TSHZ2: variants seen among roughly 807,000 people sequenced by gnomAD.
TSHZ2 encodes the protein teashirt homolog 2.
A neutral mutation model predicts 74.4 loss-of-function variants in TSHZ2; 21 were observed. The observed-to-expected ratio is 0.28, with a 90% CI of 0.20 to 0.41. TSHZ2 has a LOEUF of 0.41. TSHZ2 is among the 10% of genes least tolerant of loss of function. TSHZ2 has a pLI of 1.00. For synonymous variants in TSHZ2, 540 were observed against 515.3 expected, an observed-to-expected ratio of 1.05 and a Z score of -0.65; for missense variants, 1,244 against 1,293.5, an observed-to-expected ratio of 0.96 and a Z score of 0.59.
chr20:53,474,789 C>A (rs1429730702), intron 2 of TSHZ2, among the ~76,000 whole-genome samples: 2 of 134,376 alleles, frequency 1.5e-5, no homozygotes, highest in African/African-American at 3.0e-5. Flanking sequence ...CACACATAGG[C>A]TCAAAATAAA....
At chr20:53,085,404 C>A (rs186006337) in intron 1 of TSHZ2, among the ~76,000 whole-genome samples, 17 of 152,104 alleles carry the variant, frequency 1.1e-4, no homozygotes, top group Middle Eastern at 3.4e-3. Flanking sequence ...GAAAGAAAGA[C>A]CGATATTTCA....
chr20:53,361,429 C>T (rs1981049675), intron 2 of TSHZ2, among the ~76,000 whole-genome samples: 1 of 152,220 alleles, frequency 6.6e-6, no homozygotes, highest in African/African-American at 2.4e-5. Context: ...CAACATTCCT[C>T]TCTGCTGTGG....
intron 1 of TSHZ2, among the ~76,000 whole-genome samples, chr20:53,116,324 C>A (rs1986665231): frequency 6.6e-6 from 1 of 152,160 alleles, no homozygotes; most frequent in Non-Finnish European, 1.5e-5. Context: ...ATAGGCAAAT[C>A]ATTATTCGGT....
chr20:53,250,531 C>T (rs560988517), intron 1 of TSHZ2, among the ~76,000 whole-genome samples: 1 of 152,234 alleles, frequency 6.6e-6, no homozygotes, highest in African/African-American at 2.4e-5. Context: ...TGTTAAAATA[C>T]ACTCACTTTG....
Position 53,474,788 on chromosome 20 carries a change from G to A in TSHZ2, c.*9-12356G>A, listed in dbSNP as rs1201370382. ...ATCTCAAGTGCAGAGACACACATAG[G>A]CTCAAAATAAAAGGATGGAGGAAGA... On this transcript the variant is annotated intron_variant, in intron 2 of 2. Transcript: ENST00000371497. 5.2e-5 allele frequency among the ~76,000 whole-genome samples: 7 copies of A among 134,848 alleles called. 2 individuals carry two copies. The East Asian group carries it at 1.2e-3, about 23-fold the overall frequency. The allele number at this position is 134,848 out of a possible 152,430, so 88.5% of individuals were successfully genotyped here.
intron 2 of TSHZ2, among the ~76,000 whole-genome samples, chr20:53,358,685 T>G (rs2030999898): frequency 6.6e-6 from 1 of 152,200 alleles, no homozygotes; most frequent in African/African-American, 2.4e-5. Flanking sequence ...TCCAATTATT[T>G]GATGGTAAAA....
chr20:52,975,352 A>C (rs1437078426), intron 1 of TSHZ2, among the ~76,000 whole-genome samples: 1 of 152,192 alleles, frequency 6.6e-6, no homozygotes, highest in Middle Eastern at 3.2e-3. Flanking sequence ...AGCTCATTAC[A>C]AAAAGTGCAT....
At chr20:53,018,728 C>T (rs1983129464) in intron 1 of TSHZ2, among the ~76,000 whole-genome samples, 1 of 152,114 alleles carries the variant, frequency 6.6e-6, no homozygotes, top group Non-Finnish European at 1.5e-5. Flanking sequence ...TTCTCCAGCC[C>T]CTTTTCCTGG....
chr20:53,154,333 C>T (rs908877376), intron 1 of TSHZ2, among the ~76,000 whole-genome samples: 12 of 152,102 alleles, frequency 7.9e-5, no homozygotes, highest in African/African-American at 2.7e-4. Context: ...TAACATTGCT[C>T]CTATGTATGA....
In TSHZ2 at chr20:52,973,071, A is replaced by C; in HGVS notation, c.-223A>C. On this transcript the variant is annotated 5_prime_UTR_variant, in exon 1 of 3. Transcript: ENST00000371497. The stretch of plus-strand genomic sequence containing the variant: ...AAGGCAGAACCAACCTCTACTTCAA[A>C]GCAGCCGGCACAAGCCACCCGTGTC... 1 of 514,016 alleles carries C rather than the reference A, an allele frequency of 1.9e-6. No individual in the cohort carries two copies. Among genetic ancestry groups the C allele is most frequent in the South Asian group, 3.4e-5 (1 of 29,174 alleles). The allele number at this position is 514,016 out of a possible 1,614,324, so 31.8% of individuals were successfully genotyped here.
At chr20:53,415,453 C>T (rs1281129975) in intron 2 of TSHZ2, among the ~76,000 whole-genome samples, 1 of 152,032 alleles carries the variant, frequency 6.6e-6, no homozygotes, top group Non-Finnish European at 1.5e-5. Flanking sequence ...TCCTCTGCTC[C>T]CCACCCCTTC....
At chr20:53,016,018 T>A (rs1179621205) in intron 1 of TSHZ2, among the ~76,000 whole-genome samples, 3 of 152,212 alleles carry the variant, frequency 2.0e-5, no homozygotes, top group Non-Finnish European at 4.4e-5. Flanking sequence ...AGGGCATCAT[T>A]GTCTCGGCTC....
intron 2 of TSHZ2, among the ~76,000 whole-genome samples, chr20:53,368,678 A>AACATTT (rs1981362972): frequency 6.6e-6 from 1 of 152,334 alleles, no homozygotes; most frequent in African/African-American, 2.4e-5. Context: ...AATATAGGGT[A>AACATTT]ACATTTACAC....
intron 1 of TSHZ2, chr20:53,097,993 G>C (rs994650233): frequency 6.6e-6 from 1 of 152,256 alleles, no homozygotes; most frequent in Non-Finnish European, 1.5e-5. Context: ...TGATGATGTG[G>C]ATGTGTACAA....
chr20:53,378,181 A>C (rs1402730855), intron 2 of TSHZ2, among the ~76,000 whole-genome samples: 1 of 151,934 alleles, frequency 6.6e-6, no homozygotes, highest in African/African-American at 2.4e-5. Flanking sequence ...CTCTAATAAA[A>C]ATACAAAACA....
intron 2 of TSHZ2, among the ~76,000 whole-genome samples, chr20:53,333,130 CTCAG>C (rs1979793713): frequency 6.6e-6 from 1 of 152,200 alleles, no homozygotes; most frequent in Non-Finnish European, 1.5e-5. Context: ...TTATATTACC[CTCAG>C]TATCTAGAAA....
chr20:53,390,280 G>C (rs1267717842), intron 2 of TSHZ2, among the ~76,000 whole-genome samples: 1 of 152,152 alleles, frequency 6.6e-6, no homozygotes, highest in Non-Finnish European at 1.5e-5. Flanking sequence ...AGATTTATTT[G>C]GATGTCTCGC....
intron 2 of TSHZ2, among the ~76,000 whole-genome samples, chr20:53,279,014 T>A (rs1016855731): frequency 6.6e-6 from 1 of 152,242 alleles, no homozygotes; most frequent in Non-Finnish European, 1.5e-5. Flanking sequence ...TATACAATGT[T>A]CTTACAATAA....
intron 2 of TSHZ2, among the ~76,000 whole-genome samples, chr20:53,405,203 T>C (rs1453807717): frequency 1.3e-5 from 2 of 148,756 alleles, no homozygotes; most frequent in Non-Finnish European, 2.9e-5. Context: ...GAGCTGAGAT[T>C]GCACCATGGC....
Sources: allele counts gnomAD v4.1 joint callset (sites outside exome capture counted in the v4.1 genomes callset), GRCh38; gene constraint gnomAD v4.1.1; transcripts MANE v1.5; gene names NCBI Gene and HGNC (gene_info 2026-07-23, HGNC 2026-07-21).